DPP10: variants seen among roughly 807,000 people sequenced by gnomAD.
DPP10 encodes inactive dipeptidyl peptidase 10.
DPP10 carries 33 observed loss-of-function variants against 120.9 expected under a neutral mutation model. That is an observed-to-expected ratio of 0.27 (90% CI 0.21 to 0.37). The LOEUF (loss-of-function observed/expected upper bound fraction) is 0.37. DPP10 is among the 10% of genes least tolerant of loss of function. DPP10 has a pLI of 1.00. For synonymous variants in DPP10, 337 were observed against 326.1 expected (o/e 1.03, Z -0.36); for missense variants, 816 against 942.8 (o/e 0.87, Z 1.76).
chr2:115,231,465 A>G lies in DPP10; in HGVS notation c.61-77774A>G, dbSNP rs559519541. On this transcript the variant is annotated intron_variant, in intron 1 of 25. Coordinates refer to ENST00000410059, the MANE Select transcript of DPP10 (RefSeq NM_020868.6). ...CATATTAATACTTAAGGTCTTTTTC[A>G]TACAAGTTGTACCTACATTAAAAAT... 9.2e-5 allele frequency among the ~76,000 whole-genome samples: 14 copies of G among 152,250 alleles called. No homozygotes were observed. In the South Asian group the frequency reaches 2.9e-3, roughly 32 times the overall value.
chr2:115,684,439 C>T (rs889142785), intron 5 of DPP10, among the ~76,000 whole-genome samples: 2 of 151,800 alleles, frequency 1.3e-5, no homozygotes, highest in Non-Finnish European at 2.9e-5. Flanking sequence ...CAAGAGAAAC[C>T]AATCCCATTT....
Position 115,242,126 on chromosome 2 carries a change from A to G in DPP10, c.61-67113A>G, listed in dbSNP as rs1445477213. Among the ~76,000 whole-genome samples, 5 of 152,122 alleles carry G rather than the reference A, an allele frequency of 3.3e-5. No homozygotes were observed. In the South Asian group the frequency reaches 6.2e-4, roughly 19 times the overall value. On this transcript the variant is annotated intron_variant, in intron 1 of 25. Coordinates refer to ENST00000410059, the MANE Select transcript of DPP10 (RefSeq NM_020868.6). The stretch of plus-strand genomic sequence containing the variant: ...ACCCAAGCAGTATACACTGTACCCA[A>G]TTTGTAGCGTTTTATCCCTCATGCT...
intron 3 of DPP10, among the ~76,000 whole-genome samples, chr2:115,427,160 C>T (rs936746392): frequency 2.6e-5 from 4 of 152,030 alleles, no homozygotes; most frequent in African/African-American, 9.6e-5. Flanking sequence ...CAGCTCTGCT[C>T]CTGTGTCTTT....
chr2:115,065,329 A>T (rs1706747693), intron 1 of DPP10, among the ~76,000 whole-genome samples: 1 of 152,148 alleles, frequency 6.6e-6, no homozygotes, highest in African/African-American at 2.4e-5. Context: ...CTTAACATAA[A>T]CTGGGAAGAG....
At chr2:115,199,601 A>G (rs1465518620) in intron 1 of DPP10, among the ~76,000 whole-genome samples, 1 of 152,122 alleles carries the variant, frequency 6.6e-6, no homozygotes, top group Non-Finnish European at 1.5e-5. Flanking sequence ...AAAATAACAT[A>G]CCTACTTACC....
intron 1 of DPP10, among the ~76,000 whole-genome samples, chr2:115,135,387 G>A (rs1319974590): frequency 6.6e-6 from 1 of 151,794 alleles, no homozygotes; most frequent in East Asian, 1.9e-4. Flanking sequence ...CCAATATAGA[G>A]AATATATTAA....
chr2:115,813,552 G>A (rs568413649), intron 19 of DPP10, among the ~76,000 whole-genome samples: 1 of 152,296 alleles, frequency 6.6e-6, no homozygotes, highest in African/African-American at 2.4e-5. Context: ...AAGCAACTGG[G>A]TGTTAGGGAT....
At chr2:115,216,061 A>G (rs2056799140) in intron 1 of DPP10, among the ~76,000 whole-genome samples, 1 of 152,190 alleles carries the variant, frequency 6.6e-6, no homozygotes, top group East Asian at 1.9e-4. Context: ...AACAGAAGTC[A>G]AATATCACAT....
chr2:115,135,219 T>A (rs756170024), intron 1 of DPP10, among the ~76,000 whole-genome samples: 1 of 139,436 alleles, frequency 7.2e-6, no homozygotes, highest in African/African-American at 2.6e-5. Context: ...TCTTTATAGA[T>A]CCTCTGAAGT....
In DPP10 at chr2:114,663,774, C is replaced by T. The variant is rs771762492; in HGVS notation, c.60+220936C>T. Reference sequence around the variant, plus strand: ...GATCTGCCACTTGCTAGCTGTGTGACCATGAGCGATTTACTTAGTCTCTCT... The same window carrying T: ...GATCTGCCACTTGCTAGCTGTGTGATCATGAGCGATTTACTTAGTCTCTCT... On this transcript the variant is annotated intron_variant, in intron 1 of 25. Coordinates refer to ENST00000410059, the MANE Select transcript of DPP10 (RefSeq NM_020868.6). Among the ~76,000 whole-genome samples, 2 of 151,032 alleles carry T rather than the reference C, an allele frequency of 1.3e-5. 1 individual carries two copies. Among genetic ancestry groups the T allele is most frequent in the South Asian group, 4.2e-4 (2 of 4,790 alleles).
chr2:115,515,314 C>T (rs527560178), intron 4 of DPP10, among the ~76,000 whole-genome samples: 6 of 151,892 alleles, frequency 4.0e-5, no homozygotes, highest in Non-Finnish European at 8.8e-5. Flanking sequence ...TAATCAAACC[C>T]ACCAATAGTG....
At chr2:115,567,553 C>A (rs1257959540) in intron 5 of DPP10, among the ~76,000 whole-genome samples, 2 of 145,196 alleles carry the variant, frequency 1.4e-5, no homozygotes, top group East Asian at 4.0e-4. Flanking sequence ...TTTTTTACAA[C>A]TGCGTAGGAC....
intron 1 of DPP10, among the ~76,000 whole-genome samples, chr2:114,846,300 G>A (rs1688542710): frequency 6.6e-6 from 1 of 152,068 alleles, no homozygotes; most frequent in Non-Finnish European, 1.5e-5. Context: ...TGACATTCAA[G>A]TAATTTTCAT....
intron 1 of DPP10, among the ~76,000 whole-genome samples, chr2:114,780,529 C>T (rs910854320): frequency 2.6e-5 from 4 of 151,934 alleles, no homozygotes; most frequent in African/African-American, 9.7e-5. Context: ...TATAGTAAAA[C>T]AAGATTTATT....
chr2:114,857,174 A>G (rs1689436585), intron 1 of DPP10, among the ~76,000 whole-genome samples: 1 of 152,198 alleles, frequency 6.6e-6, no homozygotes, highest in Non-Finnish European at 1.5e-5. Context: ...ACATGAATTT[A>G]GTTTCTAGTG....
chr2:115,073,979 A>C (rs1473104917), intron 1 of DPP10, among the ~76,000 whole-genome samples: 1 of 152,186 alleles, frequency 6.6e-6, no homozygotes, highest in African/African-American at 2.4e-5. Flanking sequence ...AGTGAGAAGA[A>C]GGTTGGCTGT....
chr2:115,065,945 C>T lies in DPP10; in HGVS notation c.61-243294C>T, dbSNP rs141462568. ...AAATCTTAAATTGTGTTAATCTCAG[C>T]ATTTGCAGAGCTATTGCCTGCTATC... On this transcript the variant is annotated intron_variant, in intron 1 of 25. Coordinates refer to ENST00000410059, the MANE Select transcript of DPP10 (RefSeq NM_020868.6). 1.7e-3 allele frequency among the ~76,000 whole-genome samples: 261 copies of T among 152,296 alleles called. 1 individual carries two copies. Among genetic ancestry groups the T allele is most frequent in the African/African-American group, 6.0e-3 (248 of 41,566 alleles).
rs964219229 is a variant in DPP10, at chr2:114,616,626, C to A, written c.60+173788C>A. On this transcript the variant is annotated intron_variant, in intron 1 of 25. Transcript: ENST00000410059. ...GGGGACTGTTTGCTCACAACATTAT[C>A]ACGGTTAAGGAAAGAAGCTGGTTAA... 2.6e-5 allele frequency among the ~76,000 whole-genome samples: 4 copies of A among 152,034 alleles called. No individual in the cohort carries two copies. In the East Asian group the frequency reaches 7.7e-4, roughly 29 times the overall value.
intron 5 of DPP10, among the ~76,000 whole-genome samples, chr2:115,588,968 AAT>A (rs2149162937): frequency 6.6e-6 from 1 of 152,344 alleles, no homozygotes; most frequent in Admixed American, 6.5e-5. Flanking sequence ...TATTGAATAA[AAT>A]AAATTATTAC....
Sources: gnomAD v4.1 joint callset for allele counts (sites outside exome capture counted in the v4.1 genomes callset) on GRCh38, gnomAD v4.1.1 for gene constraint, MANE v1.5 for transcripts, NCBI Gene and HGNC (gene_info 2026-07-23, HGNC 2026-07-21) for gene names.